OR4K2: variants seen among roughly 807,000 people sequenced by gnomAD.
The protein encoded by OR4K2 is olfactory receptor 4K2.
In OR4K2, 8 loss-of-function variants were observed where a neutral mutation model predicts 10.5. That is an observed-to-expected ratio of 0.76 (90% CI 0.45 to 1.37). The LOEUF (loss-of-function observed/expected upper bound fraction) is 1.37, where lower values mean the gene tolerates loss of function less well. Among genes scored for constraint, OR4K2 ranks in the 40% most tolerant of loss-of-function variants. OR4K2 has a pLI of 0.00. For missense variants in OR4K2, 547 were observed against 379.5 expected (o/e 1.44, Z -3.67); for synonymous variants, 178 against 133.6 (o/e 1.33, Z -2.29).
chr14:19,879,052 A>G lies in OR4K2; in HGVS notation c.*1840A>G, dbSNP rs1319956. 0.34 allele frequency: 51,352 copies of G among 148,904 alleles called. 5,117 individuals are homozygous for G. Among genetic ancestry groups the G allele is most frequent in the East Asian group, 0.62 (3,147 of 5,112 alleles). The allele number at this position is 148,904 out of a possible 1,614,324, so 9.2% of individuals were successfully genotyped here. ...GTGGAGAATTCTAAAACTCAAGAAC[A>G]TTTGCCAAAATACCCTCAAAGGTGT... On this transcript the variant is annotated 3_prime_UTR_variant, in exon 2 of 2. Coordinates refer to ENST00000641885, the MANE Select transcript of OR4K2 (RefSeq NM_001005501.2).
chr14:19,875,924 C>G lies in OR4K2; in HGVS notation c.-234C>G, dbSNP rs1037850879. On this transcript the variant is annotated 5_prime_UTR_variant, in exon 1 of 2. The change creates a new upstream start codon in the 5' untranslated region. Transcript: ENST00000641885. ...GCATAAAGTAAGTTCTTACTGTTAT[C>G]GTTAGACTTACACAGATGAATAGAT... The G allele has an allele frequency of 8.1e-6, 2 of 247,304 alleles. No individual in the cohort carries two copies. Among genetic ancestry groups the G allele is most frequent in the Non-Finnish European group, 1.6e-5 (2 of 128,750 alleles). The allele number at this position is 247,304 out of a possible 1,614,324, so 15.3% of individuals were successfully genotyped here. A position where few individuals can be genotyped will look rare whatever the true frequency, so the allele number is the denominator to read the frequency against.
rs768569355 is a variant in OR4K2, at chr14:19,876,443, T to A, written c.176T>A (p.Met59Lys). ...VIVDPHLHSP[M>K]YFLLTNLSII... The stretch of plus-strand genomic sequence containing the variant: ...GTGGACCCTCACCTACACTCTCCTA[T>A]GTATTTCCTGCTTACCAATCTTTCA... Residue 59 changes from methionine (M) to lysine (K), a missense_variant, in exon 2 of 2, where the codon ATG becomes AAG. Coordinates refer to ENST00000641885, the MANE Select transcript of OR4K2 (RefSeq NM_001005501.2). 9 of 1,614,080 alleles carry A rather than the reference T, an allele frequency of 5.6e-6. No homozygotes were observed. In the South Asian group the frequency reaches 9.9e-5, roughly 18 times the overall value.
Position 19,877,416 on chromosome 14 carries a change from G to T in OR4K2, c.*204G>T, listed in dbSNP as rs944725979. On this transcript the variant is annotated 3_prime_UTR_variant, in exon 2 of 2. Coordinates refer to ENST00000641885, the MANE Select transcript of OR4K2 (RefSeq NM_001005501.2). ...AGAAATAAAGACTATAAAAATGTCAGGAGTGACAGTTCCAGTTAGGACATT... is the reference window on the plus strand; with the variant it reads ...AGAAATAAAGACTATAAAAATGTCATGAGTGACAGTTCCAGTTAGGACATT... 3.6e-5 allele frequency: 17 copies of T among 476,940 alleles called. No homozygotes were observed. The highest frequency in any genetic ancestry group is 6.0e-5 in the Non-Finnish European group (16 of 268,420). 29.5% of individuals were successfully genotyped at this position (476,940 alleles called of 1,614,324 possible). A position where few individuals can be genotyped will look rare whatever the true frequency, so the allele number is the denominator to read the frequency against.
Position 19,877,082 on chromosome 14 carries a change from CTG to C in OR4K2, c.819_820del (p.Phe274LeufsTer30), listed in dbSNP as rs1198146913. On this transcript the variant is annotated frameshift_variant, in exon 2 of 2. Coordinates refer to ENST00000641885, the MANE Select transcript of OR4K2 (RefSeq NM_001005501.2). LOFTEE classifies it high-confidence loss of function. Reference sequence around the variant, plus strand: ...AGCTTTCTCACAGACAAGATTCTGTCTGTGTTTTATACCATCTTTACTCCCAC... The same window carrying C: ...AGCTTTCTCACAGACAAGATTCTGTCTGTTTTATACCATCTTTACTCCCAC... 1.2e-6 allele frequency: 2 copies of C among 1,610,980 alleles called. No individual in the cohort carries two copies. The highest frequency in any genetic ancestry group is 1.3e-5 in the African/African-American group (1 of 75,044).
At position 19,876,706 on chromosome 14, in the gene OR4K2, G is replaced by T; in HGVS notation, c.439G>T (p.Ala147Ser). The change falls in exon 2 of 2, where the codon GCT becomes TCT. Residue 147 changes from alanine to serine, a missense_variant. Coordinates refer to ENST00000641885, the MANE Select transcript of OR4K2 (RefSeq NM_001005501.2). ...CCAGGTGTGTGTTGCTCTCGTGGTG[G>T]CTTCCTGGATTATGGGAGTTATGCA... ...SPQVCVALVV[A>S]SWIMGVMHSM... 6.2e-7 allele frequency: 1 copy of T among 1,614,084 alleles called. No individual in the cohort carries two copies. Among genetic ancestry groups the T allele is most frequent in the Non-Finnish European group, 8.5e-7 (1 of 1,179,968 alleles).
In OR4K2 at chr14:19,880,758, G is replaced by T. The variant is rs1439877793; in HGVS notation, c.*3546G>T. 2 of 152,154 alleles carry T rather than the reference G, an allele frequency of 1.3e-5. No individual in the cohort carries two copies. Among genetic ancestry groups the T allele is most frequent in the Admixed American group, 6.5e-5 (1 of 15,270 alleles). 9.4% of individuals were successfully genotyped at this position (152,154 alleles called of 1,614,324 possible). ...TTTACAATGAATAAATATTAAATTG[G>T]TTTATTGATTTTAGGATGAATTCAC... is the stretch of plus-strand genomic sequence containing the variant. On this transcript the variant is annotated 3_prime_UTR_variant, in exon 2 of 2. Coordinates refer to ENST00000641885, the MANE Select transcript of OR4K2 (RefSeq NM_001005501.2).
In OR4K2 at chr14:19,877,131, T is replaced by C; in HGVS notation, c.864T>C (p.Thr288=). The C allele has an allele frequency of 1.9e-6, 3 of 1,605,322 alleles. No individual in the cohort carries two copies. Among genetic ancestry groups the C allele is most frequent in the Non-Finnish European group, 2.5e-6 (3 of 1,179,770 alleles). ...FTPTLNPIIY[T]LRNQEVKIAM... ...CCACTCTGAACCCAATAATCTATAC[T>C]TTGAGGAATCAAGAAGTAAAGATAG... The change falls in exon 2 of 2, where the codon ACT becomes ACC. Residue 288 remains threonine (T), a synonymous_variant. Transcript: ENST00000641885.
At position 19,876,331 on chromosome 14, in the gene OR4K2, G is replaced by A. The variant is rs1161670742; in HGVS notation, c.64G>A (p.Glu22Lys). The A allele has an allele frequency of 1.9e-6, 3 of 1,613,208 alleles. No homozygotes were observed. The highest frequency in any genetic ancestry group is 3.3e-5 in the Admixed American group (2 of 59,910). Residue 22 changes from glutamate to lysine, a missense_variant, in exon 2 of 2, where the codon GAA becomes AAA. Glu to Lys is a moderately conservative substitution (Grantham distance 56). Coordinates refer to ENST00000641885, the MANE Select transcript of OR4K2 (RefSeq NM_001005501.2). ...FVLLGLSNSW[E>K]LQMFFFMVFS... The stretch of plus-strand genomic sequence containing the variant: ...TTTGCTGGGGCTCTCTAATTCCTGG[G>A]AACTACAGATGTTTTTCTTTATGGT...
rs199718838 is a variant in OR4K2 at position 19,876,640 on chromosome 14, G to A, written c.373G>A (p.Ala125Thr). Reference sequence around the variant, plus strand: ...GGCCATGTCCTTTGATAGGTATATTGCAATATGCAAGCCCCTGCACTATGC... The same window carrying A: ...GGCCATGTCCTTTGATAGGTATATTACAATATGCAAGCCCCTGCACTATGC... ...LMAMSFDRYI[A>T]ICKPLHYASV... The change falls in exon 2 of 2, where the codon GCA becomes ACA. Residue 125 changes from alanine (A) to threonine (T), a missense_variant. Physicochemically the swap from Ala to Thr is moderately conservative, Grantham distance 58 (BLOSUM62 0). Transcript: ENST00000641885. The A allele has an allele frequency of 3.3e-4, 534 of 1,614,002 alleles. No homozygotes were observed. Among genetic ancestry groups the A allele is most frequent in the South Asian group, 1.7e-3 (152 of 91,054 alleles).
chr14:19,878,755 T>C lies in OR4K2; in HGVS notation c.*1543T>C, dbSNP rs1880971192. On this transcript the variant is annotated 3_prime_UTR_variant, in exon 2 of 2. Transcript: ENST00000641885. ...AAACATGCTTCTGTAAGCACAAGAT[T>C]AGCATAATTCTATTTTAAATAGGGA... The C allele has an allele frequency of 6.6e-6, 1 of 152,254 alleles. No individual in the cohort carries two copies. The highest frequency in any genetic ancestry group is 1.5e-5 in the Non-Finnish European group (1 of 68,032). 9.4% of individuals were successfully genotyped at this position (152,254 alleles called of 1,614,324 possible).
rs1438140652 is a variant in OR4K2, at chr14:19,875,936, A to G, written c.-222A>G. 15 of 284,954 alleles carry G rather than the reference A, an allele frequency of 5.3e-5. No individual in the cohort carries two copies. The highest frequency in any genetic ancestry group is 9.2e-5 in the Non-Finnish European group (14 of 151,828). 17.7% of individuals were successfully genotyped at this position (284,954 alleles called of 1,614,324 possible). On this transcript the variant is annotated 5_prime_UTR_variant, in exon 1 of 2. Transcript: ENST00000641885. ...TTCTTACTGTTATCGTTAGACTTAC[A>G]CAGATGAATAGATGGACAAATAGGT...
In OR4K2 at chr14:19,876,392, A is replaced by G. The variant is rs746032457; in HGVS notation, c.125A>G (p.Asn42Ser). The G allele has an allele frequency of 1.2e-6, 2 of 1,614,058 alleles. No individual in the cohort carries two copies. Among genetic ancestry groups the G allele is most frequent in the Non-Finnish European group, 1.7e-6 (2 of 1,179,936 alleles). ...CTTTATGTGGCAACAATGGTGGGTA[A>G]CAGCCTCATAGTCATCACAGTTATA... ...SLLYVATMVG[N>S]SLIVITVIVD... The change falls in exon 2 of 2, where the codon AAC becomes AGC. Residue 42 changes from asparagine to serine, a missense_variant. By Grantham distance (46) the Asn-to-Ser change is conservative (BLOSUM62 1). Transcript: ENST00000641885.
In OR4K2 at chr14:19,882,441, A is replaced by T. The variant is rs1286251478; in HGVS notation, c.*5229A>T. ...CAATCAATCAATATCCATTACTTTA[A>T]TTTTTTTATTATAACCTTTTTATTG... On this transcript the variant is annotated 3_prime_UTR_variant, in exon 2 of 2. Transcript: ENST00000641885. 1 of 152,346 alleles carries T rather than the reference A, an allele frequency of 6.6e-6. No individual in the cohort carries two copies. Among genetic ancestry groups the T allele is most frequent in the East Asian group, 1.9e-4 (1 of 5,188 alleles). The allele number at this position is 152,346 out of a possible 1,614,324, so 9.4% of individuals were successfully genotyped here.
rs1289123772 is a variant in OR4K2, at chr14:19,880,251, T to TA, written c.*3042dup. The TA allele has an allele frequency of 2.0e-5, 3 of 152,222 alleles. No homozygotes were observed. The highest frequency in any genetic ancestry group is 7.2e-5 in the African/African-American group (3 of 41,426). The allele number at this position is 152,222 out of a possible 1,614,324, so 9.4% of individuals were successfully genotyped here. The stretch of plus-strand genomic sequence containing the variant: ...TAGACTCTGGTATCTTTTTTTTTTT[T>TA]AAACAGTGTTTAATACTACTTCTAC... On this transcript the variant is annotated 3_prime_UTR_variant, in exon 2 of 2. Transcript: ENST00000641885.
At position 19,876,599 on chromosome 14, in the gene OR4K2, A is replaced by AAAG. The variant is rs747690634; in HGVS notation, c.332_333insAAG (p.Glu111_Ile112insArg). 7 of 1,614,180 alleles carry AAAG rather than the reference A, an allele frequency of 4.3e-6. No homozygotes were observed. The highest frequency in any genetic ancestry group is 5.9e-6 in the Non-Finnish European group (7 of 1,180,014). On this transcript the variant is annotated inframe_insertion, in exon 2 of 2. Coordinates refer to ENST00000641885, the MANE Select transcript of OR4K2 (RefSeq NM_001005501.2). ...TTTCTCCACCTTTTCACTGGAACTG[A>AAAG]GATCATCTTACTCATGGCCATGTCC...
In OR4K2 at chr14:19,876,995, A is replaced by G. The variant is rs756125900; in HGVS notation, c.728A>G (p.His243Arg). The change falls in exon 2 of 2, where the codon CAT becomes CGT. Residue 243 changes from histidine to arginine, a missense_variant. His to Arg is a conservative substitution (Grantham distance 29). Coordinates refer to ENST00000641885, the MANE Select transcript of OR4K2 (RefSeq NM_001005501.2). Reference protein sequence around the residue: ...SSKALSTCTAHFIVVFLFFGP... With the variant: ...SSKALSTCTARFIVVFLFFGP... ...AAGGCCCTTTCTACTTGTACAGCTC[A>G]TTTCATTGTTGTCTTCTTGTTCTTT... The G allele has an allele frequency of 6.2e-7, 1 of 1,613,866 alleles. No individual in the cohort carries two copies. The highest frequency in any genetic ancestry group is 1.1e-5 in the South Asian group (1 of 91,078).
Position 19,882,088 on chromosome 14 carries a change from T to A in OR4K2, c.*4876T>A, listed in dbSNP as rs1881051032. On this transcript the variant is annotated 3_prime_UTR_variant, in exon 2 of 2. Transcript: ENST00000641885. The stretch of plus-strand genomic sequence containing the variant: ...AGAGCACATTACCCCAGTAATGTGA[T>A]GTAAGGGCAAAAGGCAAAAAGCCTT... The A allele has an allele frequency of 6.6e-6, 1 of 152,318 alleles. No homozygotes were observed. Among genetic ancestry groups the A allele is most frequent in the Non-Finnish European group, 1.5e-5 (1 of 68,094 alleles). The allele number at this position is 152,318 out of a possible 1,614,324, so 9.4% of individuals were successfully genotyped here.
rs1881060983 is a variant in OR4K2 at position 19,882,496 on chromosome 14, A to G, written c.*5284A>G. The stretch of plus-strand genomic sequence containing the variant: ...GTAAAAGCAAGGTAAAGAAAAATAC[A>G]CAAACATGTTTAGCTTAATGAAATA... On this transcript the variant is annotated 3_prime_UTR_variant, in exon 2 of 2. Coordinates refer to ENST00000641885, the MANE Select transcript of OR4K2 (RefSeq NM_001005501.2). 1 of 152,388 alleles carries G rather than the reference A, an allele frequency of 6.6e-6. No homozygotes were observed. The highest frequency in any genetic ancestry group is 2.4e-5 in the African/African-American group (1 of 41,594). 9.4% of individuals were successfully genotyped at this position (152,388 alleles called of 1,614,324 possible).
rs1051215165 is a variant in OR4K2, at chr14:19,879,903, A to C, written c.*2691A>C. ...TAACAACCTTTTATTAGTTATTTCG[A>C]TTTTTTTTTCCTGAAACAGGTGTCC... On this transcript the variant is annotated 3_prime_UTR_variant, in exon 2 of 2. Coordinates refer to ENST00000641885, the MANE Select transcript of OR4K2 (RefSeq NM_001005501.2). 2.6e-5 allele frequency: 4 copies of C among 151,866 alleles called. No individual in the cohort carries two copies. Among genetic ancestry groups the C allele is most frequent in the Non-Finnish European group, 5.9e-5 (4 of 67,940 alleles). 9.4% of individuals were successfully genotyped at this position (151,866 alleles called of 1,614,324 possible).
Sources: allele counts gnomAD v4.1 joint callset, GRCh38; gene constraint gnomAD v4.1.1; transcripts MANE v1.5; gene names NCBI Gene and HGNC (gene_info 2026-07-23, HGNC 2026-07-21).